Variants in ZNF518A observed in about 807,000 individuals in gnomAD.
ZNF518A encodes the protein zinc finger protein 518A.
ZNF518A carries 47 observed loss-of-function variants against 102.7 expected under a neutral mutation model. The observed-to-expected ratio is 0.46, with a 90% CI of 0.36 to 0.58. ZNF518A has a LOEUF of 0.58. ZNF518A is among the 20% of genes least tolerant of loss of function. ZNF518A has a pLI of 0.00. For synonymous variants in ZNF518A, 652 were observed against 594.6 expected, an observed-to-expected ratio of 1.10 and a Z score of -1.40; for missense variants, 1,793 against 1,699.8, an observed-to-expected ratio of 1.05 and a Z score of -0.96.
At chr10:96,135,923 T>G (rs2081575132) in intron 3 of ZNF518A, among the ~76,000 whole-genome samples, 1 of 152,208 alleles carries the variant, frequency 6.6e-6, no homozygotes, top group Non-Finnish European at 1.5e-5. Flanking sequence ...ATATACAACT[T>G]TAAATGTATT....
rs1330003123 is a variant in ZNF518A, at chr10:96,157,007, CATA to C, written c.688_690del (p.Asn230del). 6.2e-7 allele frequency: 1 copy of C among 1,613,774 alleles called. No individual in the cohort carries two copies. ...CACATTTGTTCAGCACATTCATAGA[CATA>C]ATGAAATTCATTATAAGTGTGGTAA... On this transcript the variant is annotated inframe_deletion, in exon 6 of 6. Coordinates refer to ENST00000316045, the MANE Select transcript of ZNF518A (RefSeq NM_001330736.2).
chr10:96,178,724 A>G (rs1166881905), intron 1 of ZNF518A, among the ~76,000 whole-genome samples: 1 of 152,032 alleles, frequency 6.6e-6, no homozygotes, highest in African/African-American at 2.4e-5. Context: ...ATCGAGAAAA[A>G]TGTTAAAGAG....
At chr10:96,142,074 T>C (rs2081956018) in intron 3 of ZNF518A, among the ~76,000 whole-genome samples, 1 of 152,158 alleles carries the variant, frequency 6.6e-6, no homozygotes, top group Admixed American at 6.5e-5. Context: ...AGTTGTTCAT[T>C]AGACCACAGT....
chr10:96,138,558 C>G (rs1554875345), intron 3 of ZNF518A, among the ~76,000 whole-genome samples: 2 of 152,248 alleles, frequency 1.3e-5, no homozygotes, highest in African/African-American at 2.4e-5. Flanking sequence ...AATTACAACA[C>G]TCTGATTCTG....
intron 1 of ZNF518A, among the ~76,000 whole-genome samples, chr10:96,202,746 C>T (rs2083678444): frequency 6.6e-6 from 1 of 152,170 alleles, no homozygotes; most frequent in Admixed American, 6.5e-5. Flanking sequence ...CCTAGGTGCA[C>T]AGTGCAGGGC....
chr10:96,135,727 A>G (rs1006158823), intron 3 of ZNF518A, among the ~76,000 whole-genome samples: 3 of 152,216 alleles, frequency 2.0e-5, no homozygotes, highest in African/African-American at 4.8e-5. Flanking sequence ...GGTGCTTGGC[A>G]TCTAAGTAAT....
chr10:96,186,403 G>A (rs1554892561), intron 1 of ZNF518A, among the ~76,000 whole-genome samples: 1 of 152,074 alleles, frequency 6.6e-6, no homozygotes, highest in Admixed American at 6.6e-5. Context: ...ACATAAAGTA[G>A]GTTGCTTTTT....
rs782088632 is a variant in ZNF518A, at chr10:96,159,413, A to G, written c.3091A>G (p.Ile1031Val). 3.1e-6 allele frequency: 5 copies of G among 1,613,670 alleles called. No individual in the cohort carries two copies. Among genetic ancestry groups the G allele is most frequent in the East Asian group, 4.5e-5 (2 of 44,896 alleles). The part of the protein sequence containing the change: ...NCLTPGLCSS[I>V]GSCLSMKSSS... ...TCTTACACCTGGACTTTGTTCCAGC[A>G]TTGGCAGTTGTTTGAGCATGAAAAG... Residue 1031 changes from isoleucine (I) to valine (V), a missense_variant, in exon 6 of 6, where the codon ATT (isoleucine) becomes GTT (valine). By Grantham distance (29) the Ile-to-Val change is conservative (BLOSUM62 3). Transcript: ENST00000316045.
chr10:96,149,261 T>A (rs1421483228), intron 3 of ZNF518A, among the ~76,000 whole-genome samples: 3 of 152,176 alleles, frequency 2.0e-5, no homozygotes, highest in Non-Finnish European at 2.9e-5. Context: ...GACCATAGTT[T>A]AAGGAGCATT....
chr10:96,131,043 GTA>G (rs1459084989), intron 1 of ZNF518A, among the ~76,000 whole-genome samples: 7 of 152,236 alleles, frequency 4.6e-5, no homozygotes, highest in African/African-American at 1.7e-4. Context: ...TTGAGAGCAA[GTA>G]GTGTATGTGA....
At position 96,162,216 on chromosome 10, in the gene ZNF518A, GTT is replaced by G. The variant is rs1371067557; in HGVS notation, c.*1444_*1445del. On this transcript the variant is annotated 3_prime_UTR_variant, in exon 6 of 6. Transcript: ENST00000316045. ...TTTTGCACAGAAATTTTTGGCATAA[GTT>G]TATTTTCTTTCAGTTTAGTTCAGTG... 4.2e-5 allele frequency: 7 copies of G among 166,816 alleles called. No individual in the cohort carries two copies. The highest frequency in any genetic ancestry group is 1.7e-4 in the African/African-American group (7 of 41,426). 10.3% of individuals were successfully genotyped at this position (166,816 alleles called of 1,614,324 possible).
At chr10:96,142,396 G>T (rs2081980935) in intron 3 of ZNF518A, among the ~76,000 whole-genome samples, 1 of 148,634 alleles carries the variant, frequency 6.7e-6, no homozygotes, top group South Asian at 2.2e-4. Flanking sequence ...TTTTCAGTAA[G>T]CTTTTACTGT....
intron 3 of ZNF518A, among the ~76,000 whole-genome samples, chr10:96,145,676 CTCT>C (rs1369483047): frequency 6.6e-6 from 1 of 152,134 alleles, no homozygotes; most frequent in African/African-American, 2.4e-5. Flanking sequence ...TTGTTTTGAT[CTCT>C]TCTTCACCTT....
intron 1 of ZNF518A, among the ~76,000 whole-genome samples, chr10:96,170,618 A>G (rs922381714): frequency 3.3e-5 from 5 of 152,202 alleles, no homozygotes; most frequent in Non-Finnish European, 7.3e-5. Flanking sequence ...TTAGTTTAAA[A>G]AGTTCCAAAA....
At chr10:96,169,969 A>G (rs1480932032) in intron 1 of ZNF518A, among the ~76,000 whole-genome samples, 2 of 152,250 alleles carry the variant, frequency 1.3e-5, no homozygotes, top group Non-Finnish European at 2.9e-5. Context: ...TGGAATGAAT[A>G]AATCTTCCAG....
intron 1 of ZNF518A, among the ~76,000 whole-genome samples, chr10:96,199,184 G>C (rs1226540396): frequency 2.0e-5 from 3 of 152,156 alleles, no homozygotes; most frequent in Non-Finnish European, 4.4e-5. Context: ...AGGAAGAACA[G>C]TATGTAAATG....
At chr10:96,137,518 A>G (rs587695012) in intron 3 of ZNF518A, among the ~76,000 whole-genome samples, 1 of 152,314 alleles carries the variant, frequency 6.6e-6, no homozygotes, top group East Asian at 1.9e-4. Flanking sequence ...CTTCACATTA[A>G]GTCTAGTTAG....
downstream of ZNF518A, among the ~76,000 whole-genome samples, chr10:96,166,679 A>G (rs1411265632): frequency 6.6e-6 from 1 of 152,218 alleles, no homozygotes; most frequent in Non-Finnish European, 1.5e-5. Flanking sequence ...AGGCAAGAGG[A>G]TGGTGTGAAC....
At chr10:96,167,800 AC>A (rs2083151050), downstream of ZNF518A, among the ~76,000 whole-genome samples, 1 of 152,376 alleles carries the variant, frequency 6.6e-6, no homozygotes, top group South Asian at 2.1e-4. Flanking sequence ...TGTAAAACTT[AC>A]AAAAAATGTA....
Sources: allele counts gnomAD v4.1 joint callset (sites outside exome capture counted in the v4.1 genomes callset), GRCh38; gene constraint gnomAD v4.1.1; transcripts MANE v1.5; gene names NCBI Gene and HGNC (gene_info 2026-07-23, HGNC 2026-07-21).